Variants in SETD3 observed in about 807,000 individuals in gnomAD.
SETD3 encodes actin-histidine N-methyltransferase.
SETD3 carries 19 observed loss-of-function variants against 63.0 expected under a neutral mutation model. The observed-to-expected ratio is 0.30, with a 90% CI of 0.21 to 0.44. The LOEUF (loss-of-function observed/expected upper bound fraction) is 0.44. Ranked by LOEUF, SETD3 falls within the 20% of genes least tolerant of loss-of-function variation. SETD3 has a pLI of 1.00. For missense variants in SETD3, 587 were observed against 728.5 expected, an observed-to-expected ratio of 0.81 and a Z score of 2.24; for synonymous variants, 286 against 264.1, an observed-to-expected ratio of 1.08 and a Z score of -0.80.
intron 1 of SETD3, among the ~76,000 whole-genome samples, chr14:99,469,373 G>A (rs530030668): frequency 2.4e-4 from 37 of 152,264 alleles, no homozygotes; most frequent in African/African-American, 7.5e-4. Context: ...CAATCCCTTC[G>A]TGATTCATTT....
Position 99,458,486 on chromosome 14 carries a change from T to C in SETD3, c.468A>G (p.Ala156=). Residue 156 remains alanine (A), a synonymous_variant, in exon 6 of 13, where the codon GCA becomes GCG. Transcript: ENST00000331768. The part of the protein sequence containing the change: ...DRILQAMGNI[A]LAFHLLCERA... Reference sequence around the variant, plus strand: ...GCTCACACAGCAAATGAAAGGCCAGTGCGATGTTTCCCATGGCTTGAAGGA... The same window carrying C: ...GCTCACACAGCAAATGAAAGGCCAGCGCGATGTTTCCCATGGCTTGAAGGA... 6.2e-7 allele frequency: 1 copy of C among 1,614,160 alleles called. No homozygotes were observed. Among genetic ancestry groups the C allele is most frequent in the Non-Finnish European group, 8.5e-7 (1 of 1,180,018 alleles).
intron 2 of SETD3, among the ~76,000 whole-genome samples, chr14:99,464,798 A>G (rs1895275003): frequency 6.6e-6 from 1 of 152,248 alleles, no homozygotes; most frequent in African/African-American, 2.4e-5. Flanking sequence ...GAGGCACTTA[A>G]TAGATATTTC....
intron 6 of SETD3, among the ~76,000 whole-genome samples, chr14:99,452,370 G>A (rs764122856): frequency 3.0e-4 from 45 of 152,226 alleles, no homozygotes; most frequent in Admixed American, 6.5e-4. Flanking sequence ...CTCCCGGAGT[G>A]TTGGGATTAC....
chr14:99,458,230 T>G (rs1894868195), intron 6 of SETD3, 49 bp downstream of exon 6: 2 of 1,562,314 alleles, frequency 1.3e-6, no homozygotes, highest in Non-Finnish European at 1.7e-6. Context: ...AATTCCTCTT[T>G]CCTCCCCACT....
intron 6 of SETD3, among the ~76,000 whole-genome samples, chr14:99,429,907 A>T (rs575546902): frequency 6.6e-5 from 10 of 152,342 alleles, no homozygotes; most frequent in African/African-American, 2.4e-4. Flanking sequence ...ACCTGTTTTC[A>T]TTCTTTGAAA....
At chr14:99,426,031 T>G (rs1384378900) in intron 6 of SETD3, among the ~76,000 whole-genome samples, 1 of 152,152 alleles carries the variant, frequency 6.6e-6, no homozygotes, top group Non-Finnish European at 1.5e-5. Context: ...AAACTTGGTG[T>G]GGAAAACAGT....
At chr14:99,431,493 A>AC (rs1566703407) in intron 6 of SETD3, among the ~76,000 whole-genome samples, 1 of 147,148 alleles carries the variant, frequency 6.8e-6, no homozygotes, top group Admixed American at 6.8e-5. Context: ...ATTAGTAGGA[A>AC]TTTTTTTTTT....
At chr14:99,418,753 C>T (rs999522264) in intron 6 of SETD3, among the ~76,000 whole-genome samples, 2 of 151,904 alleles carry the variant, frequency 1.3e-5, no homozygotes, top group Admixed American at 6.6e-5. Context: ...AGAATGGGAG[C>T]AGAGAGAGAG....
intron 3 of SETD3, among the ~76,000 whole-genome samples, chr14:99,462,150 A>G (rs1895100810): frequency 6.6e-6 from 1 of 152,210 alleles, no homozygotes; most frequent in Non-Finnish European, 1.5e-5. Context: ...AAGGGAAAGG[A>G]AAGCTGATCA....
rs771494362 is a variant in SETD3 at position 99,398,898 on chromosome 14, G to C, written c.1566C>G (p.Val522=). Residue 522 remains valine, a synonymous_variant, in exon 13 of 13, where the codon GTC becomes GTG. Transcript: ENST00000331768. ...CAGCCTCCTCCTCGAGGTTTCTCAAGACCAGGGGGAGCCTCGAGTCCCCCA... is the reference window on the plus strand; with the variant it reads ...CAGCCTCCTCCTCGAGGTTTCTCAACACCAGGGGGAGCCTCGAGTCCCCCA... The part of the protein sequence containing the change: ...SSVGDSRLPL[V]LRNLEEEAGV... 7 of 1,614,006 alleles carry C rather than the reference G, an allele frequency of 4.3e-6. No homozygotes were observed. The South Asian group carries it at 7.7e-5, about 18-fold the overall frequency.
chr14:99,407,901 T>C (rs925890607), intron 8 of SETD3, among the ~76,000 whole-genome samples: 1 of 152,174 alleles, frequency 6.6e-6, no homozygotes, highest in Non-Finnish European at 1.5e-5. Context: ...TTGAGAATAT[T>C]CACGTGATGC....
chr14:99,482,467 A>G (rs184488423), upstream of SETD3, among the ~76,000 whole-genome samples: 1 of 152,346 alleles, frequency 6.6e-6, no homozygotes, highest in Admixed American at 6.5e-5. Context: ...TGGTAGTAGT[A>G]TTGATAGACA....
In SETD3 at chr14:99,448,972, T is replaced by C. The variant is rs117740341; in HGVS notation, c.675+9307A>G. Among the ~76,000 whole-genome samples the C allele has an allele frequency of 3.9e-3, 590 of 152,302 alleles. 2 individuals carry two copies. Among genetic ancestry groups the C allele is most frequent in the Middle Eastern group, 0.031 (9 of 294 alleles). On this transcript the variant is annotated intron_variant, in intron 6 of 12. Transcript: ENST00000331768. ...GCACAAGACACATACTCTCAAATTA[T>C]CAGTGACGAGGAAATCAGGTATCTT...
intron 6 of SETD3, among the ~76,000 whole-genome samples, chr14:99,426,874 C>T (rs778188041): frequency 2.0e-5 from 3 of 152,212 alleles, no homozygotes; most frequent in Admixed American, 6.5e-5. Context: ...TCCACTTACA[C>T]CTCGCTCGGC....
At chr14:99,478,122 A>T (rs921376563) in intron 1 of SETD3, among the ~76,000 whole-genome samples, 12 of 152,174 alleles carry the variant, frequency 7.9e-5, no homozygotes, top group South Asian at 2.1e-4. Flanking sequence ...TTTCACTGAT[A>T]AAAAAAGGGC....
At chr14:99,450,790 G>C (rs1040812240) in intron 6 of SETD3, among the ~76,000 whole-genome samples, 1 of 152,192 alleles carries the variant, frequency 6.6e-6, no homozygotes, top group African/African-American at 2.4e-5. Context: ...TAAGTGATGA[G>C]ATCAACTGAA....
At chr14:99,434,082 T>C (rs1367820276) in intron 6 of SETD3, among the ~76,000 whole-genome samples, 1 of 152,228 alleles carries the variant, frequency 6.6e-6, no homozygotes, top group African/African-American at 2.4e-5. Flanking sequence ...TGAATGTATA[T>C]GTCCACAAGA....
intron 6 of SETD3, among the ~76,000 whole-genome samples, chr14:99,422,205 A>T (rs1217569876): frequency 2.0e-5 from 3 of 152,208 alleles, no homozygotes; most frequent in African/African-American, 7.2e-5. Context: ...TGTATCAAAT[A>T]CATGTATGAG....
chr14:99,474,843 TA>T lies in SETD3; in HGVS notation c.-9+5884del, dbSNP rs1421439034. Among the ~76,000 whole-genome samples, 4 of 150,558 alleles carry T rather than the reference TA, an allele frequency of 2.7e-5. No homozygotes were observed. In the East Asian group the frequency reaches 7.8e-4, roughly 29 times the overall value. On this transcript the variant is annotated intron_variant, in intron 1 of 12. Coordinates refer to ENST00000331768, the MANE Select transcript of SETD3 (RefSeq NM_032233.3). ...AGACTGTGTCTCAAAAATAAATAAA[TA>T]AATAAATAAGCACAGTTGTTGCTTT...
Sources: allele counts gnomAD v4.1 joint callset (sites outside exome capture counted in the v4.1 genomes callset), GRCh38; gene constraint gnomAD v4.1.1; transcripts MANE v1.5; gene names NCBI Gene and HGNC (gene_info 2026-07-23, HGNC 2026-07-21).